The following STK3 variants were observed in gnomAD, a reference collection of about 807,000 sequenced individuals.
The protein encoded by STK3 is serine/threonine kinase 3.
Under a neutral mutation model 58.0 loss-of-function variants are expected in STK3, and 41 were observed. The ratio of observed to expected loss-of-function variants is 0.71; its 90% CI spans 0.55 to 0.92. The LOEUF is 0.92. STK3 is among the 40% of genes least tolerant of loss of function. STK3 has a pLI of 0.00. For synonymous variants in STK3, 170 were observed against 191.0 expected, an observed-to-expected ratio of 0.89 and a Z score of 0.91; for missense variants, 479 against 602.7, an observed-to-expected ratio of 0.79 and a Z score of 2.15.
intron 8 of STK3, among the ~76,000 whole-genome samples, chr8:98,562,711 G>C (rs1812145215): frequency 9.2e-6 from 1 of 108,274 alleles, no homozygotes. Flanking sequence ...GAGCAATATA[G>C]TAAGACTCCC....
chr8:98,488,819 T>C (rs948535474), intron 10 of STK3, among the ~76,000 whole-genome samples: 1 of 152,214 alleles, frequency 6.6e-6, no homozygotes, highest in Non-Finnish European at 1.5e-5. Context: ...GAAATATCGT[T>C]TTAGCCAGGC....
downstream of STK3, among the ~76,000 whole-genome samples, chr8:98,400,215 C>T (rs927296678): frequency 1.6e-4 from 24 of 152,156 alleles, no homozygotes; most frequent in Non-Finnish European, 1.8e-4. Flanking sequence ...GAAGGGCCAT[C>T]GTTTGCAGGA....
intron 7 of STK3, among the ~76,000 whole-genome samples, chr8:98,583,116 AC>A (rs1814070165): frequency 6.6e-6 from 1 of 150,790 alleles, no homozygotes; most frequent in South Asian, 2.1e-4. Flanking sequence ...CCTGTTTTTA[AC>A]TTTTTTTTTT....
intron 7 of STK3, among the ~76,000 whole-genome samples, chr8:98,585,824 T>A (rs933021576): frequency 6.6e-6 from 1 of 152,104 alleles, no homozygotes; most frequent in African/African-American, 2.4e-5. Context: ...CCCTTGTAAG[T>A]TGGATTCCTA....
intron 7 of STK3, among the ~76,000 whole-genome samples, chr8:98,591,115 ATACTTGGAATTCTG>A (rs1311242718): frequency 1.3e-5 from 2 of 152,208 alleles, no homozygotes; most frequent in East Asian, 3.8e-4. Context: ...AGTAGGAACC[ATACTTGGAATTCTG>A]ATATTTGATA....
chr8:98,640,424 G>A (rs531380426), intron 6 of STK3, among the ~76,000 whole-genome samples: 1 of 152,118 alleles, frequency 6.6e-6, no homozygotes, highest in South Asian at 2.1e-4. Flanking sequence ...ATATTCTTTT[G>A]TAGTTCTGTA....
At chr8:98,615,440 A>G (rs200213042) in intron 6 of STK3, among the ~76,000 whole-genome samples, 10,858 of 108,650 alleles carry the variant, frequency 0.1, no homozygotes, top group East Asian at 0.31. Flanking sequence ...CCTCACCAGC[A>G]ATGGAACAAA....
rs574379889 is a variant in STK3 at position 98,589,260 on chromosome 8, G to A, written c.822+6772C>T. Among the ~76,000 whole-genome samples, 15 of 152,308 alleles carry A rather than the reference G, an allele frequency of 9.8e-5. 1 individual carries two copies. The highest frequency in any genetic ancestry group is 7.8e-4 in the Admixed American group (12 of 15,300). ...ACTTTTGGTCTTTGATGATGGTGAT[G>A]AACAGATGGGTTTTTGGTGTGGATG... On this transcript the variant is annotated intron_variant, in intron 7 of 10. Coordinates refer to ENST00000419617, the MANE Select transcript of STK3 (RefSeq NM_006281.4).
At chr8:98,393,803 G>C (rs1586546704) in intron 3 of STK3, 2 of 152,106 alleles carry the variant, frequency 1.3e-5, no homozygotes, top group Non-Finnish European at 2.9e-5. Flanking sequence ...GGTCAGCAAA[G>C]TTGACCCATG....
At chr8:98,861,273 G>T (rs1482096721) in intron 3 of STK3, among the ~76,000 whole-genome samples, 1 of 151,808 alleles carries the variant, frequency 6.6e-6, no homozygotes, top group Non-Finnish European at 1.5e-5. Flanking sequence ...TCACTCTGGG[G>T]AGGTGAAACA....
At chr8:98,804,301 C>G (rs1238415967) in intron 1 of STK3, among the ~76,000 whole-genome samples, 1 of 152,150 alleles carries the variant, frequency 6.6e-6, no homozygotes, top group East Asian at 1.9e-4. Context: ...CACACCTGGC[C>G]AAACAAGCAT....
At chr8:98,691,923 C>A (rs1323944486) in intron 6 of STK3, among the ~76,000 whole-genome samples, 1 of 139,058 alleles carries the variant, frequency 7.2e-6, no homozygotes, top group Non-Finnish European at 1.6e-5. Context: ...CAGAGCAAAA[C>A]TCCGCCTCAA....
chr8:98,780,754 G>A (rs1359585268), intron 1 of STK3, among the ~76,000 whole-genome samples: 1 of 151,994 alleles, frequency 6.6e-6, no homozygotes, highest in African/African-American at 2.4e-5. Flanking sequence ...ACAAATCTCA[G>A]GAGAGATTTG....
At chr8:98,794,664 G>A (rs757970614) in intron 1 of STK3, among the ~76,000 whole-genome samples, 5 of 152,092 alleles carry the variant, frequency 3.3e-5, no homozygotes, top group East Asian at 1.9e-4. Context: ...CAACTCATTC[G>A]AAGGATGCAT....
chr8:98,477,010 G>A (rs550570054), intron 10 of STK3, among the ~76,000 whole-genome samples: 8 of 152,322 alleles, frequency 5.3e-5, no homozygotes, highest in Non-Finnish European at 1.0e-4. Flanking sequence ...CCGTGTGAAA[G>A]ACAGCCTCCC....
At chr8:98,407,994 G>A (rs1433214997) in intron 3 of STK3, among the ~76,000 whole-genome samples, 1 of 152,184 alleles carries the variant, frequency 6.6e-6, no homozygotes, top group Non-Finnish European at 1.5e-5. Flanking sequence ...AGTTAGAGAT[G>A]ATCAAACCCA....
intron 1 of STK3, among the ~76,000 whole-genome samples, chr8:98,387,385 T>C (rs1817800942): frequency 1.3e-5 from 2 of 152,248 alleles, no homozygotes; most frequent in Admixed American, 1.3e-4. Flanking sequence ...AAACTTGAAT[T>C]GGAAACCTAA....
intron 6 of STK3, among the ~76,000 whole-genome samples, chr8:98,614,474 A>T (rs747316483): frequency 6.6e-6 from 1 of 152,154 alleles, no homozygotes; most frequent in Non-Finnish European, 1.5e-5. Flanking sequence ...GCCGAATAGG[A>T]ACAGCTCCGG....
intron 6 of STK3, among the ~76,000 whole-genome samples, chr8:98,626,606 G>A (rs886523835): frequency 6.6e-6 from 1 of 152,122 alleles, no homozygotes. Context: ...TGAGGCCATC[G>A]GATTTGATAA....
Sources: allele counts gnomAD v4.1 joint callset (sites outside exome capture counted in the v4.1 genomes callset), GRCh38; gene constraint gnomAD v4.1.1; transcripts MANE v1.5; gene names NCBI Gene and HGNC (gene_info 2026-07-23, HGNC 2026-07-21).